Variants in CFAP20DC observed in about 807,000 individuals in gnomAD.
CFAP20DC encodes the protein CFAP20 domain containing.
In CFAP20DC, 84 loss-of-function variants were observed where a neutral mutation model predicts 101.7. That is an observed-to-expected ratio of 0.83 (90% CI 0.69 to 0.99). The LOEUF (loss-of-function observed/expected upper bound fraction) is 0.99. CFAP20DC is among the 50% of genes least tolerant of loss of function. The pLI, the probability that CFAP20DC is intolerant of heterozygous loss-of-function variation, is 0.00. For missense variants in CFAP20DC, 1,007 were observed against 970.3 expected (o/e 1.04, Z -0.50); for synonymous variants, 359 against 351.2 (o/e 1.02, Z -0.25).
chr3:58,915,948 A>G (rs893647947), intron 5 of CFAP20DC, among the ~76,000 whole-genome samples: 17 of 151,784 alleles, frequency 1.1e-4, no homozygotes, highest in African/African-American at 4.1e-4. Flanking sequence ...TGCTTCCCCT[A>G]CTTCATCCTC....
At chr3:58,807,239 T>A (rs2074160384) in intron 14 of CFAP20DC, among the ~76,000 whole-genome samples, 1 of 152,156 alleles carries the variant, frequency 6.6e-6, no homozygotes, top group South Asian at 2.1e-4. Context: ...CAGCTGGAGA[T>A]CTGAGAATGG....
chr3:58,890,178 G>A (rs535313349), intron 6 of CFAP20DC, among the ~76,000 whole-genome samples: 2 of 149,450 alleles, frequency 1.3e-5, no homozygotes, highest in Non-Finnish European at 3.0e-5. Flanking sequence ...GGCTGGGCAG[G>A]GGGCTGACCC....
intron 14 of CFAP20DC, among the ~76,000 whole-genome samples, chr3:58,818,416 G>C (rs377564030): frequency 0.15 from 21,653 of 141,936 alleles, 3,112 homozygotes; most frequent in African/African-American, 0.38. Context: ...CAGAGACACA[G>C]ATAGGCTCAA....
chr3:58,760,206 T>A (rs1219720351), intron 15 of CFAP20DC, among the ~76,000 whole-genome samples: 1 of 152,238 alleles, frequency 6.6e-6, no homozygotes, highest in African/African-American at 2.4e-5. Flanking sequence ...CTCTTTTGTT[T>A]TGTTGAGCAG....
At chr3:58,886,316 A>G (rs190907165) in intron 6 of CFAP20DC, among the ~76,000 whole-genome samples, 1 of 152,318 alleles carries the variant, frequency 6.6e-6, no homozygotes, top group East Asian at 1.9e-4. Context: ...AAAGAGCCAC[A>G]ATAAATTGAA....
intron 6 of CFAP20DC, among the ~76,000 whole-genome samples, chr3:58,902,049 C>T (rs2083196132): frequency 6.6e-6 from 1 of 152,172 alleles, no homozygotes. Context: ...TTTCACTGAG[C>T]ATGTTTTGGA....
chr3:59,046,364 T>C, intron 2 of CFAP20DC, 42 bp from the exon 3 acceptor site: 1 of 1,248,548 alleles, frequency 8.0e-7, no homozygotes, highest in Non-Finnish European at 1.1e-6. Context: ...CAGGATATTT[T>C]ATTTGGCTTC....
chr3:58,734,638 C>G (rs1264035400), intron 3 of CFAP20DC: 1 of 453,124 alleles, frequency 2.2e-6, no homozygotes, highest in Non-Finnish European at 4.4e-6. Flanking sequence ...GCAAAGCTCC[C>G]TGGGCAGGTG....
chr3:58,836,209 A>G (rs1203200997), intron 13 of CFAP20DC, among the ~76,000 whole-genome samples: 1 of 152,218 alleles, frequency 6.6e-6, no homozygotes, highest in African/African-American at 2.4e-5. Context: ...TATCAGGGCA[A>G]TTGAGAGCTA....
intron 14 of CFAP20DC, among the ~76,000 whole-genome samples, chr3:58,827,386 T>G (rs2076111600): frequency 8.1e-6 from 1 of 124,048 alleles, no homozygotes; most frequent in Admixed American, 9.8e-5. Flanking sequence ...GTTGACAGTG[T>G]GGCAGGAGCA....
chr3:58,853,624 T>C (rs59385021), intron 12 of CFAP20DC, among the ~76,000 whole-genome samples: 27,544 of 151,456 alleles, frequency 0.18, 4,424 homozygotes, highest in African/African-American at 0.42. Context: ...CACATCAAAA[T>C]GCTTATCCAC....
chr3:58,795,250 G>A lies in CFAP20DC; in HGVS notation c.2237+11145C>T, dbSNP rs2073153364. On this transcript the variant is annotated intron_variant, in intron 15 of 16. Coordinates refer to ENST00000482387, the MANE Select transcript of CFAP20DC (RefSeq NM_001394063.1). The surrounding 1 kb of genome is among the most constrained non-coding windows in gnomAD (Gnocchi z 4.2). ...TAATTACCTTCTTTAACTGGATTGT[G>A]GGCCAAAGGTAATCTGAGTTCAGCA... is the stretch of plus-strand genomic sequence containing the variant. Among the ~76,000 whole-genome samples, 1 of 152,208 alleles carries A rather than the reference G, an allele frequency of 6.6e-6. No homozygotes were observed. Among genetic ancestry groups the A allele is most frequent in the Non-Finnish European group, 1.5e-5 (1 of 68,030 alleles).
rs1272243606 is a variant in CFAP20DC at position 58,913,921 on chromosome 3, A to G, written c.394-57T>C. ...ACCTTTCATCAACACATAAATGAAC[A>G]AACCATCTATATGTAGACATTCAAA... On this transcript the variant is annotated intron_variant, in intron 5 of 16. Transcript: ENST00000482387. This position sits in a 1 kb window ranked among gnomAD's most constrained non-coding sequence, Gnocchi z 4.4. 6.4e-7 allele frequency: 1 copy of G among 1,566,350 alleles called. No individual in the cohort carries two copies. Among genetic ancestry groups the G allele is most frequent in the Non-Finnish European group, 8.8e-7 (1 of 1,140,606 alleles).
Position 59,006,701 on chromosome 3 carries a change from T to C in CFAP20DC, c.278+32856A>G, listed in dbSNP as rs537038708. On this transcript the variant is annotated intron_variant, in intron 4 of 16. Coordinates refer to ENST00000482387, the MANE Select transcript of CFAP20DC (RefSeq NM_001394063.1). The surrounding 1 kb of genome is among the most constrained non-coding windows in gnomAD (Gnocchi z 4.3). ...CCCAGGGAAGCCAACCCTGACAATA[T>C]CTCATAGAGGCCCTAGGGGAAGACA... is the stretch of plus-strand genomic sequence containing the variant. 6.6e-6 allele frequency among the ~76,000 whole-genome samples: 1 copy of C among 152,124 alleles called. No homozygotes were observed. Among genetic ancestry groups the C allele is most frequent in the African/African-American group, 2.4e-5 (1 of 41,482 alleles).
chr3:58,863,495 G>C lies in CFAP20DC; in HGVS notation c.1593+63C>G. ...CCCTCTTTCATTTCAACTTGTTTTA[G>C]TGCTTATTGGAGCTAAGGAAACAAC... is the stretch of plus-strand genomic sequence containing the variant. On this transcript the variant is annotated intron_variant, in intron 12 of 16. Transcript: ENST00000482387. This position sits in a 1 kb window ranked among gnomAD's most constrained non-coding sequence, Gnocchi z 5.9. The C allele has an allele frequency of 6.3e-7, 1 of 1,582,902 alleles. No homozygotes were observed. The highest frequency in any genetic ancestry group is 1.3e-5 in the African/African-American group (1 of 74,388).
chr3:58,730,348 A>G (rs752581109), intron 3 of CFAP20DC, among the ~76,000 whole-genome samples: 15 of 152,218 alleles, frequency 9.9e-5, no homozygotes, highest in Non-Finnish European at 1.6e-4. Context: ...CTTCGTAAAT[A>G]TGTAGAATTA....
At position 58,722,153 on chromosome 3, in the gene CFAP20DC, A is replaced by T. The variant is rs1196415657; in HGVS notation, c.198-4525T>A. Reference sequence around the variant, plus strand: ...AGGCCACATGTAGACCCTCTGGTCAATGGTCCCAGCTAAAGCCCAGCCTCC... The same window carrying T: ...AGGCCACATGTAGACCCTCTGGTCATTGGTCCCAGCTAAAGCCCAGCCTCC... On this transcript the variant is annotated intron_variant, in intron 3 of 3. Coordinates refer to the CFAP20DC transcript ENST00000486145. This position sits in a 1 kb window ranked among gnomAD's most constrained non-coding sequence, Gnocchi z 4.5. 6.6e-6 allele frequency among the ~76,000 whole-genome samples: 1 copy of T among 152,210 alleles called. No homozygotes were observed. Among genetic ancestry groups the T allele is most frequent in the Non-Finnish European group, 1.5e-5 (1 of 68,038 alleles).
intron 6 of CFAP20DC, among the ~76,000 whole-genome samples, chr3:58,909,541 C>T (rs934066734): frequency 6.6e-6 from 1 of 152,102 alleles, no homozygotes; most frequent in Non-Finnish European, 1.5e-5. Flanking sequence ...CATACTCTAT[C>T]AGATACATTT....
At chr3:58,763,656 C>T (rs2069919746) in intron 15 of CFAP20DC, among the ~76,000 whole-genome samples, 1 of 152,138 alleles carries the variant, frequency 6.6e-6, no homozygotes, top group East Asian at 1.9e-4. Context: ...GTTTTTTCCC[C>T]ATCTTTGTGG....
Sources: gnomAD v4.1 joint callset for allele counts (sites outside exome capture counted in the v4.1 genomes callset) on GRCh38, gnomAD v4.1.1 for gene constraint, Gnocchi (gnomAD v3.1) non-coding constraint, MANE v1.5 for transcripts, NCBI Gene and HGNC (gene_info 2026-07-23, HGNC 2026-07-21) for gene names.